The following CFHR4 variants were observed in gnomAD, a reference collection of about 807,000 sequenced individuals.
CFHR4 encodes the protein complement factor H-related protein 4.
CFHR4 carries 64 observed loss-of-function variants against 69.3 expected under a neutral mutation model. The ratio of observed to expected loss-of-function variants is 0.92; its 90% confidence interval spans 0.76 to 1.14. CFHR4 has a LOEUF of 1.14. Among genes scored for constraint, CFHR4 ranks in the 50% most tolerant of loss-of-function variants. CFHR4 has a pLI of 0.00. For missense variants in CFHR4, 636 were observed against 684.9 expected, an observed-to-expected ratio of 0.93 and a Z score of 0.80; for synonymous variants, 244 against 237.0, an observed-to-expected ratio of 1.03 and a Z score of -0.27.
In CFHR4 at chr1:196,902,544, C is replaced by T. The variant is rs185240845; in HGVS notation, c.185C>T (p.Thr62Ile). The T allele has an allele frequency of 2.7e-4, 440 of 1,612,252 alleles. 6 individuals are homozygous for T. Among genetic ancestry groups the T allele is most frequent in the Middle Eastern group, 5.0e-4 (3 of 6,046 alleles). Residue 62 changes from threonine (T) to isoleucine (I), a missense_variant, in exon 2 of 10, where the codon ACT becomes ATT. Thr to Ile is a moderately conservative substitution (Grantham distance 89). Around this residue, in one of 3 missense-constraint regions of CFHR4, gnomAD observed 529 missense variants for 533.2 expected, o/e 0.99. Coordinates refer to ENST00000608469, the MANE Select transcript of CFHR4 (RefSeq NM_001201550.3). ...YSYYCDQNFVTPSGSYWDYIH... is the reference protein window; with the variant it reads ...YSYYCDQNFVIPSGSYWDYIH... ...TATTACTGTGATCAAAATTTTGTGA[C>T]TCCTTCAGGAAGTTACTGGGATTAC... is the stretch of plus-strand genomic sequence containing the variant.
At chr1:196,917,904 T>A (rs1455730819) in intron 9 of CFHR4, among the ~76,000 whole-genome samples, 1 of 151,626 alleles carries the variant, frequency 6.6e-6, no homozygotes, top group Non-Finnish European at 1.5e-5. Flanking sequence ...TAATCCTTTT[T>A]GATATGAAGT....
rs534869827 is a variant in CFHR4 at position 196,910,267 on chromosome 1, T to G, written c.800-14T>G. On this transcript the variant is annotated splice_polypyrimidine_tract_variant and intron_variant, in intron 5 of 9. Coordinates refer to ENST00000608469, the MANE Select transcript of CFHR4 (RefSeq NM_001201550.3). ...TGAAACATTATTTATACTATTTTTG[T>G]TTTTTGTTACAAGCAATGAAACCTT... 2.3e-5 allele frequency: 35 copies of G among 1,534,584 alleles called. No individual in the cohort carries two copies. The highest frequency in any genetic ancestry group is 3.0e-5 in the Non-Finnish European group (34 of 1,129,968).
intron 7 of CFHR4, among the ~76,000 whole-genome samples, 170 bp from the exon 8 acceptor site, chr1:196,914,324 TG>T (rs2124973671): frequency 6.6e-6 from 1 of 151,732 alleles, no homozygotes; most frequent in Admixed American, 6.6e-5. Context: ...ATTTAACTAT[TG>T]TAATTAACTA....
chr1:196,888,275 C>A, intron 1 of CFHR4, 67 bp downstream of exon 1: 1 of 1,481,388 alleles, frequency 6.8e-7, no homozygotes, highest in Non-Finnish European at 9.4e-7. Context: ...TATCTAACTT[C>A]ATATGTCTAT....
intron 1 of CFHR4, among the ~76,000 whole-genome samples, chr1:196,901,026 AAG>A (rs1334186008): frequency 6.6e-6 from 1 of 151,504 alleles, no homozygotes; most frequent in Non-Finnish European, 1.5e-5. Flanking sequence ...ATCAAACAAA[AAG>A]AAATAGATTG....
rs144216823 is a variant in CFHR4, at chr1:196,907,473, C to A, written c.774C>A (p.Asp258Glu). The A allele has an allele frequency of 6.2e-7, 1 of 1,611,018 alleles. No homozygotes were observed. Among genetic ancestry groups the A allele is most frequent in the Admixed American group, 1.7e-5 (1 of 59,754 alleles). The change falls in exon 5 of 10, where the codon GAC becomes GAA. Residue 258 changes from aspartate (D) to glutamate (E), a missense_variant. Asp to Glu is a conservative substitution (Grantham distance 45, BLOSUM62 2). Coordinates refer to ENST00000608469, the MANE Select transcript of CFHR4 (RefSeq NM_001201550.3). ...GSKYVTCSNG[D>E]WSEPPRCISM... ...AATATGTAACATGTAGTAATGGAGA[C>A]TGGTCAGAACCACCAAGATGCATAT...
At chr1:196,905,873 C>T (rs1409069934) in intron 3 of CFHR4, among the ~76,000 whole-genome samples, 2 of 151,364 alleles carry the variant, frequency 1.3e-5, no homozygotes, top group Non-Finnish European at 2.9e-5. Flanking sequence ...AAACCTCATA[C>T]TTGGCAATGG....
chr1:196,916,217 C>A (rs1658616670), intron 9 of CFHR4, among the ~76,000 whole-genome samples: 1 of 151,516 alleles, frequency 6.6e-6, no homozygotes, highest in Non-Finnish European at 1.5e-5. Flanking sequence ...ATATAAGCCA[C>A]AATAATTATG....
chr1:196,918,121 T>C (rs941116866), intron 9 of CFHR4, 89 bp from the exon 10 acceptor site: 13 of 1,299,858 alleles, frequency 1.0e-5, no homozygotes, highest in Middle Eastern at 2.0e-4. Context: ...TATAATTTTA[T>C]TTTATCCTAA....
chr1:196,897,611 G>C (rs934278516), intron 1 of CFHR4, among the ~76,000 whole-genome samples: 2 of 151,320 alleles, frequency 1.3e-5, no homozygotes, highest in Non-Finnish European at 2.9e-5. Context: ...TCTTCCCCTG[G>C]AGTTAGGCCA....
chr1:196,916,892 A>G (rs1490111901), intron 9 of CFHR4, among the ~76,000 whole-genome samples: 1 of 151,612 alleles, frequency 6.6e-6, no homozygotes, highest in Admixed American at 6.6e-5. Flanking sequence ...ACAGAATTCT[A>G]GGGAAAAAGG....
intron 8 of CFHR4, 123 bp downstream of exon 8, chr1:196,914,794 G>A: frequency 7.1e-7 from 1 of 1,405,946 alleles, no homozygotes; most frequent in South Asian, 1.5e-5. Flanking sequence ...CTATGAGTGT[G>A]AATTATCTTG....
intron 5 of CFHR4, among the ~76,000 whole-genome samples, chr1:196,908,533 T>C (rs1413770748): frequency 6.6e-6 from 1 of 151,390 alleles, no homozygotes; most frequent in Admixed American, 6.6e-5. Context: ...CGTCCCAGAA[T>C]GAAAATGAAT....
intron 1 of CFHR4, among the ~76,000 whole-genome samples, chr1:196,891,430 C>T (rs1015413590): frequency 2.6e-5 from 4 of 151,262 alleles, no homozygotes; most frequent in Admixed American, 6.6e-5. Flanking sequence ...CCGTGCTTGA[C>T]GGACTGGGTC....
rs938816496 is a variant in CFHR4 at position 196,894,614 on chromosome 1, G to A, written c.58+6406G>A. On this transcript the variant is annotated intron_variant, in intron 1 of 9. Transcript: ENST00000608469. The stretch of plus-strand genomic sequence containing the variant: ...TGAAAGACGTTTTTTTTCTTTTAGC[G>A]TTTTGAACATATTGGCCCAATGCCT... Among the ~76,000 whole-genome samples the A allele has an allele frequency of 7.7e-4, 116 of 151,316 alleles. 2 individuals carry two copies. The highest frequency in any genetic ancestry group is 2.7e-3 in the African/African-American group (112 of 41,050).
intron 7 of CFHR4, among the ~76,000 whole-genome samples, chr1:196,913,546 T>C (rs1296747348): frequency 1.3e-5 from 2 of 151,556 alleles, no homozygotes; most frequent in East Asian, 3.9e-4. Context: ...CTGAACATGC[T>C]CGACCTTTAC....
intron 9 of CFHR4, among the ~76,000 whole-genome samples, chr1:196,916,228 G>A (rs1658618355): frequency 6.6e-6 from 1 of 151,414 alleles, no homozygotes; most frequent in Non-Finnish European, 1.5e-5. Flanking sequence ...AATAATTATG[G>A]CAACAACAAG....
intron 9 of CFHR4, among the ~76,000 whole-genome samples, chr1:196,915,745 G>A (rs1247608451): frequency 6.6e-6 from 1 of 151,590 alleles, no homozygotes; most frequent in Non-Finnish European, 1.5e-5. Context: ...ATTTGTTAAT[G>A]GATACAATGA....
intron 1 of CFHR4, among the ~76,000 whole-genome samples, chr1:196,897,580 G>A (rs1657381533): frequency 6.6e-6 from 1 of 151,380 alleles, no homozygotes; most frequent in Non-Finnish European, 1.5e-5. Flanking sequence ...GCCCGAAGTG[G>A]GGGATGGAGT....
Sources: gnomAD v4.1 joint callset for allele counts (sites outside exome capture counted in the v4.1 genomes callset) on GRCh38, gnomAD v4.1.1 for gene constraint, gnomAD v4.1.1 regional missense constraint, MANE v1.5 for transcripts, NCBI Gene and HGNC (gene_info 2026-07-23, HGNC 2026-07-21) for gene names.